Variants in DLL4 observed in about 807,000 individuals in gnomAD.
DLL4 encodes the protein delta-like protein 4.
A neutral mutation model predicts 73.6 loss-of-function variants in DLL4; 7 were observed. That is an observed-to-expected ratio of 0.10 (90% CI 0.05 to 0.18). DLL4 has a LOEUF of 0.18. Among genes scored for constraint, DLL4 ranks in the 10% least tolerant of loss-of-function variants. The pLI, the probability that DLL4 is intolerant of heterozygous loss-of-function variation, is 1.00. For synonymous variants in DLL4, 345 were observed against 374.3 expected (o/e 0.92, Z 0.90); for missense variants, 614 against 929.9 (o/e 0.66, Z 4.42).
rs754318767 is a variant in DLL4 at position 40,932,298 on chromosome 15, CCT to C, written c.720-12_720-11del. 1.9e-6 allele frequency: 3 copies of C among 1,614,034 alleles called. No individual in the cohort carries two copies. Among genetic ancestry groups the C allele is most frequent in the Middle Eastern group, 1.6e-4 (1 of 6,062 alleles). ...GGCCAAGGCCTCTCACCTCACTCTG[CCT>C]CTCTCTTGTTCCCCAGCTGCCGCCC... is the stretch of plus-strand genomic sequence containing the variant. On this transcript the variant is annotated splice_polypyrimidine_tract_variant and intron_variant, in intron 5 of 10. Coordinates refer to ENST00000249749, the MANE Select transcript of DLL4 (RefSeq NM_019074.4).
In DLL4 at chr15:40,930,786, G is replaced by A. The variant is rs1367623844; in HGVS notation, c.394+104G>A. 8.2e-6 allele frequency: 10 copies of A among 1,217,680 alleles called. No individual in the cohort carries two copies. The highest frequency in any genetic ancestry group is 3.0e-5 in the African/African-American group (2 of 66,718). 75.4% of individuals were successfully genotyped at this position (1,217,680 alleles called of 1,614,324 possible). A position where few individuals can be genotyped will look rare whatever the true frequency, so the allele number is the denominator to read the frequency against. On this transcript the variant is annotated intron_variant, in intron 3 of 10. Coordinates refer to ENST00000249749, the MANE Select transcript of DLL4 (RefSeq NM_019074.4). The surrounding 1 kb of genome is among the most constrained non-coding windows in gnomAD (Gnocchi z 5.7). ...GTGCGGGCTTGGGGGTGGGAGGCAG[G>A]ACGCTTAGCTTGGCCTGGAGCTGCG...
chr15:40,934,593 C>T lies in DLL4; in HGVS notation c.896C>T (p.Thr299Met), dbSNP rs776405678. Residue 299 changes from threonine to methionine, a missense_variant, in exon 7 of 11, where the codon ACG becomes ATG. Around this residue, in one of 3 missense-constraint regions of DLL4, gnomAD observed 386 missense variants for 541.3 expected, o/e 0.71. Transcript: ENST00000249749. ...CACTCCCCATGCAAGAATGGGGCAA[C>T]GTGCTCCAACAGTGGGCAGCGAAGC... is the stretch of plus-strand genomic sequence containing the variant. The part of the protein sequence containing the change: ...THHSPCKNGA[T>M]CSNSGQRSYT... 9.9e-6 allele frequency: 16 copies of T among 1,613,804 alleles called. No homozygotes were observed. The Admixed American group carries it at 1.2e-4, about 12-fold the overall frequency.
chr15:40,937,952 A>G, intron 10 of DLL4, 77 bp from the exon 11 acceptor site: 1 of 1,556,632 alleles, frequency 6.4e-7, no homozygotes, highest in South Asian at 1.2e-5. Flanking sequence ...GCCTTCTCCC[A>G]GGGAGGCCCA....
At chr15:40,937,356 TCCTCCCTCCCCCCAAGCCTCTCCCCGTC>T in intron 9 of DLL4, 34 bp from the exon 10 acceptor site, 1 of 1,180,782 alleles carries the variant, frequency 8.5e-7, no homozygotes, top group Non-Finnish European at 1.3e-6. Context: ...CTCTCCAGGG[TCCTCCCTCCCCCCAAGCCTCTCCCCGTC>T]CCTCCCTTAC....
Position 40,930,449 on chromosome 15 carries a change from T to C in DLL4, c.337-176T>C. The C allele has an allele frequency of 1.5e-6, 1 of 667,898 alleles. No individual in the cohort carries two copies. The highest frequency in any genetic ancestry group is 2.7e-6 in the Non-Finnish European group (1 of 372,340). The allele number at this position is 667,898 out of a possible 1,614,324, so 41.4% of individuals were successfully genotyped here. ...CTCTCAACCCTCCCTCTACCGGGGGTTCTCCTCTCGCCTTCCCTGCTCAAG... is the reference window on the plus strand; with the variant it reads ...CTCTCAACCCTCCCTCTACCGGGGGCTCTCCTCTCGCCTTCCCTGCTCAAG... On this transcript the variant is annotated intron_variant, in intron 2 of 10. Coordinates refer to ENST00000249749, the MANE Select transcript of DLL4 (RefSeq NM_019074.4). The surrounding 1 kb of genome is among the most constrained non-coding windows in gnomAD (Gnocchi z 5.7).
chr15:40,937,146 G>A (rs1352544654), intron 9 of DLL4, among the ~76,000 whole-genome samples: 3 of 152,222 alleles, frequency 2.0e-5, no homozygotes, highest in African/African-American at 7.2e-5. Flanking sequence ...GGTGTCTCTT[G>A]TGACTTCCGT....
intron 10 of DLL4, 80 bp downstream of exon 10, chr15:40,937,606 C>T (rs1444658096): frequency 2.8e-6 from 3 of 1,063,414 alleles, no homozygotes; most frequent in East Asian, 4.7e-5. Context: ...TGGGCCATTC[C>T]TGAAGGGTAG....
At chr15:40,932,572 CAAGGATCTTGGGTCTTTT>C in intron 6 of DLL4, 125 bp downstream of exon 6, 2 of 1,277,408 alleles carry the variant, frequency 1.6e-6, no homozygotes, top group Non-Finnish European at 2.2e-6. Flanking sequence ...CATGATCTTC[CAAGGATCTTGGGTCTTTT>C]AAGGATCTTT....
chr15:40,929,633 G>A lies in DLL4; in HGVS notation c.-36G>A, dbSNP rs772561999. On this transcript the variant is annotated 5_prime_UTR_variant, in exon 1 of 11. Coordinates refer to ENST00000249749, the MANE Select transcript of DLL4 (RefSeq NM_019074.4). The surrounding 1 kb of genome is among the most constrained non-coding windows in gnomAD (Gnocchi z 7.1). ...GCGGCGTCGCGAACAGAGCCAGATT[G>A]AGGGCCCGCGGGTGGAGAGAGCGAC... 1 of 1,497,926 alleles carries A rather than the reference G, an allele frequency of 6.7e-7. No individual in the cohort carries two copies. The allele number at this position is 1,497,926 out of a possible 1,614,324, so 92.8% of individuals were successfully genotyped here. A position where few individuals can be genotyped will look rare whatever the true frequency, so the allele number is the denominator to read the frequency against.
In DLL4 at chr15:40,938,933, G is replaced by GTTTTTTTTTTTTTTTTTTT. The variant is rs34268812; in HGVS notation, c.*916_*917insTTTTTTTTTTTTTTTTTTT. 1 of 127,960 alleles carries GTTTTTTTTTTTTTTTTTTT rather than the reference G, an allele frequency of 7.8e-6. No individual in the cohort carries two copies. 7.9% of individuals were successfully genotyped at this position (127,960 alleles called of 1,614,324 possible). The stretch of plus-strand genomic sequence containing the variant: ...AATCAATAATATGAGTTTTTATTTT[G>GTTTTTTTTTTTTTTTTTTT]TTTTTTTTTTTTTTTTTGTAGTTTA... On this transcript the variant is annotated 3_prime_UTR_variant, in exon 11 of 11. Coordinates refer to ENST00000249749, the MANE Select transcript of DLL4 (RefSeq NM_019074.4).
At chr15:40,931,924 C>G (rs1892776466) in intron 4 of DLL4, among the ~76,000 whole-genome samples, 158 bp downstream of exon 4, 1 of 152,168 alleles carries the variant, frequency 6.6e-6, no homozygotes, top group Non-Finnish European at 1.5e-5. Flanking sequence ...CTCAGACCTC[C>G]TGTCTCTTCC....
intron 3 of DLL4, 134 bp from the exon 4 acceptor site, chr15:40,931,368 CG>C (rs1320181385): frequency 1.8e-5 from 20 of 1,104,736 alleles, no homozygotes; most frequent in Non-Finnish European, 2.4e-5. Flanking sequence ...TGCTGGCAGG[CG>C]GGGGTCATCT....
rs929963951 is a variant in DLL4 at position 40,930,299 on chromosome 15, G to A, written c.336+183G>A. On this transcript the variant is annotated intron_variant, in intron 2 of 10. Transcript: ENST00000249749. This position sits in a 1 kb window ranked among gnomAD's most constrained non-coding sequence, Gnocchi z 5.7. ...CTGATCCCAGAAAAGGCTCTCACCA[G>A]TCTCCGTCTTCCCAGTTTATGTCCT... 1.4e-5 allele frequency: 11 copies of A among 785,372 alleles called. No homozygotes were observed. The highest frequency in any genetic ancestry group is 2.2e-5 in the Non-Finnish European group (11 of 503,754). 48.7% of individuals were successfully genotyped at this position (785,372 alleles called of 1,614,324 possible). A position where few individuals can be genotyped will look rare whatever the true frequency, so the allele number is the denominator to read the frequency against.
At chr15:40,931,013 ATGT>A (rs749380554) in intron 3 of DLL4, 2 of 473,100 alleles carry the variant, frequency 4.2e-6, no homozygotes, top group Non-Finnish European at 7.5e-6. Flanking sequence ...TGGCTTTGGG[ATGT>A]TGTTCTGACA....
Position 40,937,532 on chromosome 15 carries a change from T to G in DLL4, c.2052+6T>G. ...AATGTGTCATTGCCACGGAGGTGAG[T>G]GCTGGGCTCGCCTTTCCTTCTGCCT... On this transcript the variant is annotated splice_donor_region_variant and intron_variant, in intron 10 of 10. Transcript: ENST00000249749. 6.3e-7 allele frequency: 1 copy of G among 1,585,104 alleles called. No homozygotes were observed. Among genetic ancestry groups the G allele is most frequent in the Non-Finnish European group, 8.7e-7 (1 of 1,153,582 alleles).
chr15:40,929,643 G>T lies in DLL4; in HGVS notation c.-26G>T. ...GAACAGAGCCAGATTGAGGGCCCGC[G>T]GGTGGAGAGAGCGACGCCCGAGGGG... On this transcript the variant is annotated 5_prime_UTR_variant, in exon 1 of 11. Coordinates refer to ENST00000249749, the MANE Select transcript of DLL4 (RefSeq NM_019074.4). This position sits in a 1 kb window ranked among gnomAD's most constrained non-coding sequence, Gnocchi z 7.1. 6.6e-7 allele frequency: 1 copy of T among 1,511,660 alleles called. No individual in the cohort carries two copies. The allele number at this position is 1,511,660 out of a possible 1,614,324, so 93.6% of individuals were successfully genotyped here. A position where few individuals can be genotyped will look rare whatever the true frequency, so the allele number is the denominator to read the frequency against.
Position 40,937,475 on chromosome 15 carries a change from G to A in DLL4, c.2001G>A (p.Gln667=). The A allele has an allele frequency of 6.2e-7, 1 of 1,613,974 alleles. No individual in the cohort carries two copies. The highest frequency in any genetic ancestry group is 2.2e-5 in the East Asian group (1 of 44,886). ...AICSPRDSMY[Q]SVCLISEERN... ...GCTCCCCCAGGGACTCCATGTACCAGTCTGTGTGTTTGATATCAGAGGAGA... is the reference window on the plus strand; with the variant it reads ...GCTCCCCCAGGGACTCCATGTACCAATCTGTGTGTTTGATATCAGAGGAGA... Residue 667 remains glutamine (Q), a synonymous_variant, in exon 10 of 11, where the codon CAG becomes CAA. Transcript: ENST00000249749.
rs752167071 is a variant in DLL4 at position 40,929,879 on chromosome 15, G to C, written c.99G>C (p.Gln33His). 1.2e-6 allele frequency: 2 copies of C among 1,612,642 alleles called. No homozygotes were observed. The highest frequency in any genetic ancestry group is 3.3e-5 in the Admixed American group (2 of 60,020). The stretch of plus-strand genomic sequence containing the variant: ...CCGGCTCCGGCGTCTTCCAGCTGCA[G>C]CTGCAGGAGTTCATCAACGAGCGCG... Reference protein sequence around the residue: ...RAAGSGVFQLQLQEFINERGV... With the variant: ...RAAGSGVFQLHLQEFINERGV... Residue 33 changes from glutamine to histidine, a missense_variant, in exon 2 of 11, where the codon CAG becomes CAC. Around this residue, in one of 3 missense-constraint regions of DLL4, gnomAD observed 227 missense variants for 370.8 expected, o/e 0.61. Coordinates refer to ENST00000249749, the MANE Select transcript of DLL4 (RefSeq NM_019074.4). This position sits in a 1 kb window ranked among gnomAD's most constrained non-coding sequence, Gnocchi z 7.1.
chr15:40,932,077 G>C (rs1311954137), intron 4 of DLL4, 94 bp from the exon 5 acceptor site: 1 of 1,444,284 alleles, frequency 6.9e-7, no homozygotes, highest in African/African-American at 1.4e-5. Flanking sequence ...AGAGGGCCCA[G>C]GAGAGCTAGG....
Sources: allele counts gnomAD v4.1 joint callset (sites outside exome capture counted in the v4.1 genomes callset), GRCh38; gene constraint gnomAD v4.1.1; regional missense constraint gnomAD v4.1.1; non-coding constraint Gnocchi (gnomAD v3.1); transcripts MANE v1.5; gene names NCBI Gene and HGNC (gene_info 2026-07-23, HGNC 2026-07-21).